Variants in OR1F1 observed in about 807,000 individuals in gnomAD.
The protein encoded by OR1F1 is olfactory receptor family 1 subfamily F member 1, also known as olfactory receptor 1F1.
For missense variants in OR1F1, 493 were observed against 376.3 expected (o/e 1.31, Z -2.57); for synonymous variants, 184 against 156.7 (o/e 1.17, Z -1.30).
rs776484197 is a variant in OR1F1, at chr16:3,204,497, A to G, written c.251A>G (p.Asn84Ser). ...ACCACCGTCCCCAAGATGCTGGCCAATCACATACTCGAGACTCAGACCATC... is the reference window on the plus strand; with the variant it reads ...ACCACCGTCCCCAAGATGCTGGCCAGTCACATACTCGAGACTCAGACCATC... Residue 84 changes from asparagine (N) to serine (S), a missense_variant, in exon 1 of 1, where the codon AAT (asparagine) becomes AGT (serine). Transcript: ENST00000304646. 4.3e-6 allele frequency: 7 copies of G among 1,614,034 alleles called. No homozygotes were observed. In the African/African-American group the frequency reaches 5.3e-5, roughly 12 times the overall value.
the OR1F1 span, among the ~76,000 whole-genome samples, chr16:3,196,983 T>C: frequency 2.0e-5 from 3 of 152,136 alleles, no homozygotes; most frequent in Non-Finnish European, 2.9e-5. Context: ...TTCAAGTGAT[T>C]CTCCTGCCTC....
the OR1F1 span, among the ~76,000 whole-genome samples, chr16:3,191,564 A>G: frequency 6.6e-6 from 1 of 151,912 alleles, no homozygotes; most frequent in Non-Finnish European, 1.5e-5. Context: ...TTCGAGCCCC[A>G]CGTTGGGCGA....
chr16:3,198,745 T>C, the OR1F1 span, among the ~76,000 whole-genome samples: 1 of 152,084 alleles, frequency 6.6e-6, no homozygotes, highest in African/African-American at 2.4e-5. Flanking sequence ...TCCCAGCATT[T>C]TGAGAGGCGA....
chr16:3,204,678 G>T (rs184814626), exon 1 of OR1F1: 152 of 1,614,042 alleles, frequency 9.4e-5, no homozygotes, highest in Non-Finnish European at 1.2e-4. Flanking sequence ...GTGCCCTGCT[G>T]GTTGCTGGAT....
chr16:3,194,996 G>T, the OR1F1 span, among the ~76,000 whole-genome samples: 1 of 152,298 alleles, frequency 6.6e-6, no homozygotes, highest in African/African-American at 2.4e-5. Context: ...CAGGATTTGG[G>T]GTCCAGCAAG....
chr16:3,200,781 C>T (rs1343221012), upstream of OR1F1, among the ~76,000 whole-genome samples: 3 of 152,104 alleles, frequency 2.0e-5, no homozygotes, highest in Non-Finnish European at 4.4e-5. Flanking sequence ...ACTGTGTGGT[C>T]ACCACAGTTG....
the OR1F1 span, among the ~76,000 whole-genome samples, chr16:3,189,011 C>T: frequency 6.6e-6 from 1 of 152,194 alleles, no homozygotes. Flanking sequence ...CAGGCAGGCG[C>T]TGCGGGGCTG....
chr16:3,190,161 T>C, the OR1F1 span, among the ~76,000 whole-genome samples: 1 of 152,136 alleles, frequency 6.6e-6, no homozygotes, highest in South Asian at 2.1e-4. Flanking sequence ...AGATAGGCTA[T>C]GGGTGTTTGC....
chr16:3,192,035 C>T, the OR1F1 span, among the ~76,000 whole-genome samples: 3 of 152,198 alleles, frequency 2.0e-5, no homozygotes, highest in South Asian at 2.1e-4. Context: ...TGCGAGAGGT[C>T]CCGGGTTCAA....
At chr16:3,204,201 G>T (rs1238782155), upstream of OR1F1, 1 of 1,445,850 alleles carries the variant, frequency 6.9e-7, no homozygotes, top group Admixed American at 2.2e-5. Flanking sequence ...CCAAGCTTTT[G>T]CATTTCGTCT....
chr16:3,197,398 A>G, the OR1F1 span, among the ~76,000 whole-genome samples: 14 of 152,188 alleles, frequency 9.2e-5, no homozygotes, highest in Admixed American at 1.3e-4. Context: ...TATCAATGAG[A>G]TAGGTTATGT....
At chr16:3,204,690 A>T in exon 1 of OR1F1, 6 of 1,614,106 alleles carry the variant, frequency 3.7e-6, no homozygotes, top group Non-Finnish European at 5.1e-6. Flanking sequence ...TTGCTGGATT[A>T]TGGGTGGTTG....
the OR1F1 span, among the ~76,000 whole-genome samples, chr16:3,191,552 G>A: frequency 1.3e-5 from 2 of 152,266 alleles, no homozygotes; most frequent in South Asian, 2.1e-4. Context: ...CAGGGTCGTG[G>A]GTTCGAGCCC....
At chr16:3,191,532 C>G in the OR1F1 span, among the ~76,000 whole-genome samples, 1 of 152,166 alleles carries the variant, frequency 6.6e-6, no homozygotes, top group Non-Finnish European at 1.5e-5. Flanking sequence ...GAGCATGGGA[C>G]TCTTAATCTC....
At chr16:3,196,958 C>G in the OR1F1 span, among the ~76,000 whole-genome samples, 2 of 152,078 alleles carry the variant, frequency 1.3e-5, no homozygotes, top group Non-Finnish European at 2.9e-5. Context: ...CTTCCTGCAA[C>G]CTCCGCCTGC....
chr16:3,200,108 G>C (rs954990919), upstream of OR1F1, among the ~76,000 whole-genome samples: 3 of 152,090 alleles, frequency 2.0e-5, no homozygotes, highest in African/African-American at 7.2e-5. Context: ...TTGTAAGAAT[G>C]AGACAGCAAA....
chr16:3,193,492 C>A, the OR1F1 span, among the ~76,000 whole-genome samples: 1 of 152,226 alleles, frequency 6.6e-6, no homozygotes, highest in African/African-American at 2.4e-5. Context: ...GCGCCGGTGG[C>A]GCGAGGACGC....
upstream of OR1F1, among the ~76,000 whole-genome samples, chr16:3,199,641 G>A (rs2141588019): frequency 6.6e-6 from 1 of 152,122 alleles, no homozygotes; most frequent in East Asian, 1.9e-4. Flanking sequence ...TGTATTCTTG[G>A]TTTAAAAGAA....
chr16:3,201,628 T>C (rs6501154), upstream of OR1F1, among the ~76,000 whole-genome samples: 42,424 of 152,088 alleles, frequency 0.28, 6,598 homozygotes, highest in African/African-American at 0.42. Flanking sequence ...ATGAGAGTAC[T>C]CTGTTCTTCC....
Sources: allele counts gnomAD v4.1 joint callset (sites outside exome capture counted in the v4.1 genomes callset), GRCh38; gene constraint gnomAD v4.1.1; transcripts MANE v1.5; gene names NCBI Gene and HGNC (gene_info 2026-07-23, HGNC 2026-07-21).